Variants in MAEL observed in about 807,000 individuals in gnomAD.
MAEL encodes maelstrom spermatogenic transposon silencer, also known as protein maelstrom homolog.
Under a neutral mutation model 62.0 loss-of-function variants are expected in MAEL, and 46 were observed. The ratio of observed to expected loss-of-function variants is 0.74; its 90% confidence interval spans 0.59 to 0.95. MAEL has a LOEUF of 0.95. MAEL is among the 40% of genes least tolerant of loss of function. MAEL has a pLI of 0.00. For synonymous variants in MAEL, 172 were observed against 175.5 expected (o/e 0.98, Z 0.16); for missense variants, 497 against 526.8 (o/e 0.94, Z 0.55).
intron 8 of MAEL, among the ~76,000 whole-genome samples, chr1:167,007,083 T>C (rs1664945863): frequency 6.6e-6 from 1 of 152,134 alleles, no homozygotes; most frequent in South Asian, 2.1e-4. Context: ...AAAGGTGATT[T>C]TTCTAATTTG....
intron 1 of MAEL, among the ~76,000 whole-genome samples, chr1:166,984,074 G>C (rs1663844266): frequency 6.6e-6 from 1 of 151,466 alleles, no homozygotes; most frequent in Admixed American, 6.6e-5. Flanking sequence ...TTTGGACCTT[G>C]GACCCTCCTT....
At chr1:166,994,208 A>G (rs1664309692) in intron 5 of MAEL, 139 bp downstream of exon 5, 6 of 706,546 alleles carry the variant, frequency 8.5e-6, no homozygotes, top group Non-Finnish European at 1.1e-5. Flanking sequence ...TAGATGTGAT[A>G]GATGGTGTCT....
At position 167,017,973 on chromosome 1, in the gene MAEL, T is replaced by C. The variant is rs1433415788; in HGVS notation, c.1041+14T>C. The C allele has an allele frequency of 1.2e-6, 2 of 1,611,504 alleles. No homozygotes were observed. Among genetic ancestry groups the C allele is most frequent in the Non-Finnish European group, 1.7e-6 (2 of 1,178,508 alleles). Reference sequence around the variant, plus strand: ...GGGCGTTACCAGGTAAGGAACTGACTTTTAAGAGCTGCTGGTCTCTTTAGC... The same window carrying C: ...GGGCGTTACCAGGTAAGGAACTGACCTTTAAGAGCTGCTGGTCTCTTTAGC... On this transcript the variant is annotated intron_variant, in intron 10 of 11. Coordinates refer to ENST00000367872, the MANE Select transcript of MAEL (RefSeq NM_032858.3).
chr1:167,004,295 C>G lies in MAEL; in HGVS notation c.639C>G (p.Ile213Met), dbSNP rs1412152469. Residue 213 changes from isoleucine to methionine, a missense_variant, in exon 6 of 12, where the codon ATC becomes ATG. Physicochemically the swap from Ile to Met is conservative, Grantham distance 10. Transcript: ENST00000367872. ...CCAACCCAGGGAACTGGCCACCTATCTACTGCAAGGTAATTTCAGGTTAAG... is the reference window on the plus strand; with the variant it reads ...CCAACCCAGGGAACTGGCCACCTATGTACTGCAAGGTAATTTCAGGTTAAG... Reference protein sequence around the residue: ...IHPNPGNWPPIYCKSDDRTRV... With the variant: ...IHPNPGNWPPMYCKSDDRTRV... 3.8e-6 allele frequency: 6 copies of G among 1,597,344 alleles called. No homozygotes were observed. Among genetic ancestry groups the G allele is most frequent in the Non-Finnish European group, 5.1e-6 (6 of 1,173,908 alleles).
intron 10 of MAEL, among the ~76,000 whole-genome samples, chr1:167,019,410 C>T (rs1212141660): frequency 6.6e-6 from 1 of 152,082 alleles, no homozygotes; most frequent in Non-Finnish European, 1.5e-5. Flanking sequence ...CTCAGATTCT[C>T]TCTCATCTCC....
At chr1:167,010,834 G>A (rs1571271330) in intron 8 of MAEL, among the ~76,000 whole-genome samples, 3 of 152,294 alleles carry the variant, frequency 2.0e-5, no homozygotes, top group Non-Finnish European at 2.9e-5. Context: ...CTTGGACAAG[G>A]CTGATAATTT....
upstream of MAEL, among the ~76,000 whole-genome samples, chr1:166,985,466 C>A (rs936830463): frequency 6.6e-6 from 1 of 152,194 alleles, no homozygotes; most frequent in Non-Finnish European, 1.5e-5. Context: ...CCTTGGAATT[C>A]ACATAGGACT....
rs1255087597 is a variant in MAEL, at chr1:167,006,608, T to C, written c.845+1211T>C. ...AAAGTTACTGGTTTTTTACTATATA[T>C]ATATATATATATATATATATATATA... is the stretch of plus-strand genomic sequence containing the variant. On this transcript the variant is annotated intron_variant, in intron 8 of 11. Coordinates refer to ENST00000367872, the MANE Select transcript of MAEL (RefSeq NM_032858.3). Among the ~76,000 whole-genome samples, 173 of 65,144 alleles carry C rather than the reference T, an allele frequency of 2.7e-3. 5 individuals are homozygous for C. The highest frequency in any genetic ancestry group is 0.019 in the African/African-American group (168 of 8,962). The allele number at this position is 65,144 out of a possible 152,430, so 42.7% of individuals were successfully genotyped here. A position where few individuals can be genotyped will look rare whatever the true frequency, so the allele number is the denominator to read the frequency against.
At chr1:166,984,383 A>T (rs936895336), upstream of MAEL, among the ~76,000 whole-genome samples, 5 of 152,200 alleles carry the variant, frequency 3.3e-5, no homozygotes, top group Admixed American at 2.6e-4. Flanking sequence ...CATGTTTTTT[A>T]AAAACCCTTA....
chr1:166,976,636 G>C (rs536584371), intron 1 of MAEL, among the ~76,000 whole-genome samples: 105 of 152,136 alleles, frequency 6.9e-4, no homozygotes, highest in Non-Finnish European at 1.1e-3. Context: ...TGGTGGAAAG[G>C]GGGCAGGCGA....
intron 5 of MAEL, among the ~76,000 whole-genome samples, chr1:166,999,236 G>C (rs745395361): frequency 6.6e-6 from 1 of 152,196 alleles, no homozygotes; most frequent in East Asian, 1.9e-4. Flanking sequence ...TAGGCTTCTT[G>C]TGCCAAATGA....
chr1:167,019,151 G>A (rs189037475), intron 10 of MAEL, among the ~76,000 whole-genome samples: 2 of 152,156 alleles, frequency 1.3e-5, no homozygotes, highest in Admixed American at 1.3e-4. Context: ...GACATTTTTG[G>A]TTGTCACATC....
chr1:167,010,266 G>A (rs1374321821), intron 8 of MAEL, among the ~76,000 whole-genome samples: 3 of 152,134 alleles, frequency 2.0e-5, no homozygotes, highest in African/African-American at 7.2e-5. Flanking sequence ...GCAAATCTGT[G>A]AGTCAGTTAA....
At chr1:166,999,735 G>A (rs4656518) in intron 5 of MAEL, among the ~76,000 whole-genome samples, 48,853 of 152,074 alleles carry the variant, frequency 0.32, 8,954 homozygotes, top group Admixed American at 0.46. Flanking sequence ...TCAGTGCCTG[G>A]CTTCACAGGA....
chr1:166,982,443 T>C (rs1663785746), intron 1 of MAEL, among the ~76,000 whole-genome samples: 1 of 152,142 alleles, frequency 6.6e-6, no homozygotes, highest in Admixed American at 6.5e-5. Context: ...TTGTGGAGTG[T>C]TTAGCAGAAA....
intron 6 of MAEL, 136 bp downstream of exon 6, chr1:167,004,440 A>G (rs1664805296): frequency 2.5e-6 from 2 of 785,526 alleles, no homozygotes; most frequent in Admixed American, 7.3e-5. Flanking sequence ...AATTGTTTTG[A>G]ATGTAATTAG....
At chr1:166,991,528 A>G (rs1473284366) in intron 3 of MAEL, 51 bp downstream of exon 3, 1 of 1,039,628 alleles carries the variant, frequency 9.6e-7, no homozygotes, top group South Asian at 1.3e-5. Context: ...TGCCCAAAAC[A>G]CTATATTTGT....
At chr1:167,000,296 T>C (rs1664605543) in intron 5 of MAEL, among the ~76,000 whole-genome samples, 1 of 152,032 alleles carries the variant, frequency 6.6e-6, no homozygotes, top group Non-Finnish European at 1.5e-5. Context: ...ACATTAAAGG[T>C]TGTTTGCAAG....
In MAEL at chr1:167,021,200, G is replaced by A. The variant is rs190658619; in HGVS notation, c.1117+40G>A. 17 of 1,357,718 alleles carry A rather than the reference G, an allele frequency of 1.3e-5. No individual in the cohort carries two copies. The East Asian group carries it at 3.9e-4, about 31-fold the overall frequency. The allele number at this position is 1,357,718 out of a possible 1,614,324, so 84.1% of individuals were successfully genotyped here. A position where few individuals can be genotyped will look rare whatever the true frequency, so the allele number is the denominator to read the frequency against. The stretch of plus-strand genomic sequence containing the variant: ...TTTTACAAAAATGCACCTAAAGGAT[G>A]TTAGAGCCTATTACTAAGATCCCAG... On this transcript the variant is annotated intron_variant, in intron 11 of 11. Transcript: ENST00000367872.
Sources: gnomAD v4.1 joint callset for allele counts (sites outside exome capture counted in the v4.1 genomes callset) on GRCh38, gnomAD v4.1.1 for gene constraint, MANE v1.5 for transcripts, NCBI Gene and HGNC (gene_info 2026-07-23, HGNC 2026-07-21) for gene names.